The following VCF1 variants were observed in gnomAD, a reference collection of about 807,000 sequenced individuals.
VCF1 encodes the protein protein VCF1.
At chr17:73,225,901 T>A in the VCF1 span, among the ~76,000 whole-genome samples, 18,659 of 73,838 alleles carry the variant, frequency 0.25, 1,149 homozygotes, top group East Asian at 0.29. Context: ...ATATATATAT[T>A]TTTTTTTTTT....
chr17:73,210,167 T>C, the VCF1 span, among the ~76,000 whole-genome samples: 3 of 152,282 alleles, frequency 2.0e-5, no homozygotes, highest in South Asian at 4.1e-4. Flanking sequence ...GTATGAGTCA[T>C]TGGGACAGAG....
At chr17:73,207,415 A>C in the VCF1 span, 1 of 778,056 alleles carries the variant, frequency 1.3e-6, no homozygotes, top group Non-Finnish European at 2.2e-6. Context: ...ACAAGGTTTT[A>C]CTAGCTTGAG....
the VCF1 span, among the ~76,000 whole-genome samples, chr17:73,225,899 ATTTT>A: frequency 1.9e-3 from 216 of 114,832 alleles, 2 homozygotes; most frequent in African/African-American, 7.4e-3. Context: ...ATATATATAT[ATTTT>A]TTTTTTTTTT....
the VCF1 span, chr17:73,209,638 G>A: frequency 4.5e-6 from 7 of 1,559,374 alleles, no homozygotes; most frequent in Non-Finnish European, 6.1e-6. Flanking sequence ...CTCGGGCACG[G>A]GCTGAGGCGT....
chr17:73,227,927 G>A, the VCF1 span, among the ~76,000 whole-genome samples: 1 of 152,188 alleles, frequency 6.6e-6, no homozygotes, highest in East Asian at 1.9e-4. Flanking sequence ...TAAGAATTAT[G>A]TGCTGTCAAA....
chr17:73,221,927 G>C, the VCF1 span, among the ~76,000 whole-genome samples: 20 of 151,392 alleles, frequency 1.3e-4, no homozygotes, highest in Admixed American at 7.3e-4. Context: ...CCAGCTACTC[G>C]GGAGGCTGAG....
the VCF1 span, chr17:73,232,292 T>C: frequency 6.3e-7 from 1 of 1,591,988 alleles, no homozygotes; most frequent in Non-Finnish European, 8.6e-7. Flanking sequence ...CGGCGTCTGC[T>C]CCGCGCCCCC....
At chr17:73,208,095 C>G in the VCF1 span, 1 of 1,442,276 alleles carries the variant, frequency 6.9e-7, no homozygotes, top group Non-Finnish European at 9.1e-7. Context: ...TTTCCCAAGA[C>G]AGTCCTCATT....
the VCF1 span, among the ~76,000 whole-genome samples, chr17:73,215,718 G>C: frequency 6.6e-6 from 1 of 152,230 alleles, no homozygotes; most frequent in African/African-American, 2.4e-5. Context: ...CACTAGGGCT[G>C]CTGAAGCATT....
At chr17:73,229,867 C>CAAAAAAAA in the VCF1 span, among the ~76,000 whole-genome samples, 45 of 22,620 alleles carry the variant, frequency 2.0e-3, 7 homozygotes, top group African/African-American at 6.2e-3. Context: ...GACTCCATCT[C>CAAAAAAAA]AAAAAAAAAA....
chr17:73,225,899 A>T, the VCF1 span, among the ~76,000 whole-genome samples: 68 of 114,844 alleles, frequency 5.9e-4, no homozygotes, highest in Non-Finnish European at 7.0e-4. Flanking sequence ...ATATATATAT[A>T]TTTTTTTTTT....
chr17:73,220,074 G>GC, the VCF1 span, among the ~76,000 whole-genome samples: 1 of 152,202 alleles, frequency 6.6e-6, no homozygotes, highest in African/African-American at 2.4e-5. Flanking sequence ...AAAAGAGTCG[G>GC]CCAAATCAGT....
the VCF1 span, chr17:73,208,220 T>TGCCGTGTGGAC: frequency 6.2e-7 from 1 of 1,602,214 alleles, no homozygotes; most frequent in Non-Finnish European, 8.5e-7. Context: ...CGCTTGTGTG[T>TGCCGTGTGGAC]GCCGTGTGGA....
chr17:73,225,510 C>T, the VCF1 span, among the ~76,000 whole-genome samples: 1 of 151,666 alleles, frequency 6.6e-6, no homozygotes. Context: ...TTGCTGTTCT[C>T]AGGCTTCAAA....
chr17:73,220,283 C>G, the VCF1 span, among the ~76,000 whole-genome samples: 74,174 of 151,950 alleles, frequency 0.49, 18,388 homozygotes, highest in East Asian at 0.6. Flanking sequence ...TTATAGACTC[C>G]TAACTTTATG....
the VCF1 span, among the ~76,000 whole-genome samples, chr17:73,215,035 G>A: frequency 0.01 from 1,564 of 152,318 alleles, 28 homozygotes; most frequent in African/African-American, 0.034. Context: ...ATAAAGCTGC[G>A]TGTGATCTGT....
At chr17:73,224,240 C>A in the VCF1 span, among the ~76,000 whole-genome samples, 366 of 107,606 alleles carry the variant, frequency 3.4e-3, no homozygotes, top group Admixed American at 4.5e-3. Flanking sequence ...CAGCCTGGGC[C>A]ATATAGTGAG....
At chr17:73,232,327 G>A in the VCF1 span, 497 of 1,547,578 alleles carry the variant, frequency 3.2e-4, no homozygotes, top group Non-Finnish European at 4.1e-4. Context: ...CCGTGGTACC[G>A]CCCTCTCGCG....
the VCF1 span, among the ~76,000 whole-genome samples, chr17:73,210,893 C>A: frequency 6.6e-6 from 1 of 151,964 alleles, no homozygotes; most frequent in African/African-American, 2.4e-5. Flanking sequence ...CAGGCATGAG[C>A]CACCATGCCC....
Sources: allele counts gnomAD v4.1 joint callset (sites outside exome capture counted in the v4.1 genomes callset), GRCh38; gene constraint gnomAD v4.1.1; transcripts MANE v1.5; gene names NCBI Gene and HGNC (gene_info 2026-07-23, HGNC 2026-07-21).